LRP2: variants seen among roughly 807,000 people sequenced by gnomAD.
LRP2 encodes low-density lipoprotein receptor-related protein 2.
In LRP2, 172 loss-of-function variants were observed where a neutral mutation model predicts 531.0. The observed-to-expected ratio is 0.32, with a 90% CI of 0.29 to 0.37. LRP2 has a LOEUF of 0.37. Among genes scored for constraint, LRP2 ranks in the 10% least tolerant of loss-of-function variants. The pLI is 1.00. For synonymous variants in LRP2, 1,992 were observed against 2,027.6 expected, an observed-to-expected ratio of 0.98 and a Z score of 0.47; for missense variants, 5,167 against 5,868.3, an observed-to-expected ratio of 0.88 and a Z score of 3.90.
chr2:169,295,736 T>C (rs1684120260), intron 4 of LRP2, among the ~76,000 whole-genome samples: 1 of 152,220 alleles, frequency 6.6e-6, no homozygotes, highest in Non-Finnish European at 1.5e-5. Context: ...AAATGTTCAA[T>C]GTTGCTATTA....
chr2:169,131,968 T>C (rs1310777926), intron 77 of LRP2, among the ~76,000 whole-genome samples: 1 of 152,242 alleles, frequency 6.6e-6, no homozygotes, highest in African/African-American at 2.4e-5. Flanking sequence ...GCAAAGGACC[T>C]GCAGGCATGT....
intron 13 of LRP2, among the ~76,000 whole-genome samples, chr2:169,276,219 CAGTT>C (rs768362150): frequency 6.6e-6 from 1 of 152,134 alleles, no homozygotes; most frequent in African/African-American, 2.4e-5. Context: ...GTTTCTCTCT[CAGTT>C]AGCAAATTCC....
intron 43 of LRP2, among the ~76,000 whole-genome samples, chr2:169,202,213 G>A (rs554931584): frequency 2.8e-4 from 43 of 152,248 alleles, no homozygotes; most frequent in African/African-American, 8.9e-4. Flanking sequence ...ATCACAGTCT[G>A]CTAGGAAAAG....
rs192871737 is a variant in LRP2, at chr2:169,286,085, G to A, written c.1042+2941C>T. Among the ~76,000 whole-genome samples, 259 of 152,234 alleles carry A rather than the reference G, an allele frequency of 1.7e-3. 3 individuals carry two copies. The highest frequency in any genetic ancestry group is 3.4e-3 in the Middle Eastern group (1 of 294). On this transcript the variant is annotated intron_variant, in intron 9 of 78. Transcript: ENST00000649046. Reference sequence around the variant, plus strand: ...AAACAAGTGTAACTGGTTTCCTAACGTCATGTATTTAAAGAGTTCTCTATA... The same window carrying A: ...AAACAAGTGTAACTGGTTTCCTAACATCATGTATTTAAAGAGTTCTCTATA...
At chr2:169,352,303 T>A (rs1249340746) in intron 1 of LRP2, among the ~76,000 whole-genome samples, 1 of 152,188 alleles carries the variant, frequency 6.6e-6, no homozygotes, top group East Asian at 1.9e-4. Context: ...CCTGCCATGC[T>A]GGCCAAAAAA....
chr2:169,240,632 G>T, intron 25 of LRP2: 4 of 434,668 alleles, frequency 9.2e-6, no homozygotes, highest in African/African-American at 3.9e-5. Context: ...TCATTTTTTT[G>T]TGATAAGTTC....
At chr2:169,324,755 G>A (rs1311017693) in intron 1 of LRP2, among the ~76,000 whole-genome samples, 1 of 152,224 alleles carries the variant, frequency 6.6e-6, no homozygotes, top group South Asian at 2.1e-4. Context: ...CCAGAGAAGA[G>A]GAGTCATTTG....
At chr2:169,158,892 T>C (rs1686464272) in intron 63 of LRP2, among the ~76,000 whole-genome samples, 1 of 151,346 alleles carries the variant, frequency 6.6e-6, no homozygotes, top group South Asian at 2.1e-4. Flanking sequence ...AGAGCCCATA[T>C]AAATGATCCC....
chr2:169,351,849 A>G (rs1275549948), intron 1 of LRP2, among the ~76,000 whole-genome samples: 2 of 152,210 alleles, frequency 1.3e-5, no homozygotes, highest in African/African-American at 2.4e-5. Flanking sequence ...CAACAGAGCC[A>G]GATAAAGGGG....
At chr2:169,143,044 T>C (rs1685780875) in intron 70 of LRP2, among the ~76,000 whole-genome samples, 1 of 152,294 alleles carries the variant, frequency 6.6e-6, no homozygotes, top group Middle Eastern at 3.4e-3. Context: ...GCATCACTTA[T>C]CTTCTCTGCT....
Position 169,277,927 on chromosome 2 carries a change from C to G in LRP2, c.1590G>C (p.Glu530Asp), listed in dbSNP as rs1386751354. Reference sequence around the variant, plus strand: ...CCAGCTTAGGTTCCCCAGAAAGGCTCTCCCAATCTGAGAAAAATAAATAAC... The same window carrying G: ...CCAGCTTAGGTTCCCCAGAAAGGCTGTCCCAATCTGAGAAAAATAAATAAC... ...TVGYLFFSDWESLSGEPKLER... is the reference protein window; with the variant it reads ...TVGYLFFSDWDSLSGEPKLER... Residue 530 changes from glutamate (E) to aspartate (D), a missense_variant, in exon 13 of 79, where the codon GAG (glutamate) becomes GAC (aspartate). Glu to Asp is a conservative substitution (Grantham distance 45). Coordinates refer to ENST00000649046, the MANE Select transcript of LRP2 (RefSeq NM_004525.3). The G allele has an allele frequency of 6.2e-7, 1 of 1,613,706 alleles. No homozygotes were observed. Among genetic ancestry groups the G allele is most frequent in the South Asian group, 1.1e-5 (1 of 91,064 alleles).
chr2:169,154,441 T>C lies in LRP2; in HGVS notation c.12295+19A>G, dbSNP rs1320852253. The C allele has an allele frequency of 1.2e-6, 2 of 1,607,474 alleles. No individual in the cohort carries two copies. Among genetic ancestry groups the C allele is most frequent in the Non-Finnish European group, 1.7e-6 (2 of 1,174,148 alleles). On this transcript the variant is annotated intron_variant, in intron 66 of 78. Coordinates refer to ENST00000649046, the MANE Select transcript of LRP2 (RefSeq NM_004525.3). ...AAAGTCACTTAATATCAATGAAAGA[T>C]GCCAAAGTTTATACTCACTGAGGCC...
chr2:169,175,154 T>C (rs778608395), intron 55 of LRP2, 39 bp downstream of exon 55: 1 of 1,592,772 alleles, frequency 6.3e-7, no homozygotes, highest in East Asian at 2.2e-5. Flanking sequence ...ACAATCAACA[T>C]AGAAGTCGGA....
At chr2:169,340,891 TTTC>T (rs1349261096) in intron 1 of LRP2, among the ~76,000 whole-genome samples, 1 of 152,162 alleles carries the variant, frequency 6.6e-6, no homozygotes, top group Non-Finnish European at 1.5e-5. Flanking sequence ...TAAACAAAAA[TTTC>T]TTGAGTGCAT....
At chr2:169,211,922 T>A (rs1376459865) in intron 37 of LRP2, 46 bp downstream of exon 37, 1 of 1,612,726 alleles carries the variant, frequency 6.2e-7, no homozygotes, top group Non-Finnish European at 8.5e-7. Flanking sequence ...GATTTCAACC[T>A]GGTGCCAGAT....
rs1473245139 is a variant in LRP2, at chr2:169,206,028, G to C, written c.7551C>G (p.Cys2517Trp). ...CAAGGAAGATGATGGCATACCCTTG[G>C]CAGGGATCTAACACAATTGCTCTTG... ...PKPRAIVLDP[C>W]QGYLYWADWD... The change falls in exon 40 of 79, where the codon TGC (cysteine) becomes TGG (tryptophan). Residue 2517 changes from cysteine (C) to tryptophan (W), a missense_variant. Around this residue, in one of 6 missense-constraint regions of LRP2, gnomAD observed 1,129 missense variants for 1,362.7 expected, o/e 0.83. Transcript: ENST00000649046. The C allele has an allele frequency of 4.3e-6, 7 of 1,614,178 alleles. No individual in the cohort carries two copies. The highest frequency in any genetic ancestry group is 1.3e-5 in the African/African-American group (1 of 75,052).
At position 169,211,968 on chromosome 2, in the gene LRP2, C is replaced by A. The variant is rs1688609532; in HGVS notation, c.6280G>T (p.Gly2094Ter). 1 of 1,613,836 alleles carries A rather than the reference C, an allele frequency of 6.2e-7. No individual in the cohort carries two copies. Among genetic ancestry groups the A allele is most frequent in the Non-Finnish European group, 8.5e-7 (1 of 1,179,818 alleles). The change falls in exon 37 of 79, where the codon GGA (glycine) becomes TGA (stop). Residue 2094 changes from glycine (G) to a stop codon, truncating the protein, a stop_gained and splice_region_variant. Coordinates refer to ENST00000649046, the MANE Select transcript of LRP2 (RefSeq NM_004525.3). LOFTEE classifies it high-confidence loss of function. ...CTTACTTATATTGGAGTTGGCATAC[C>A]TTGGCCTGCCACCGGCACCATGGTT... ...SETMVPVAGQ[G>*]RNALHVDVDV...
rs1194491338 is a variant in LRP2 at position 169,362,432 on chromosome 2, C to T, written c.-33G>A. On this transcript the variant is annotated 5_prime_UTR_variant, in exon 1 of 79. Transcript: ENST00000649046. ...ACGGTCCCCGGCCTCGCCGTTCCTT[C>T]CCCGGGAGGTGGGCGCGCGTAGCAC... The T allele has an allele frequency of 7.8e-6, 12 of 1,538,334 alleles. No individual in the cohort carries two copies. The highest frequency in any genetic ancestry group is 7.1e-5 in the South Asian group (6 of 83,998).
Position 169,138,693 on chromosome 2 carries a change from C to T in LRP2, c.13402G>A (p.Val4468Ile), listed in dbSNP as rs201984825. Residue 4468 changes from valine (V) to isoleucine (I), a missense_variant, in exon 75 of 79, where the codon GTC becomes ATC. Transcript: ENST00000649046. ...CCATTCCCATTTTCAGAGGGCTTGACGAGACTGCTTAAGCTGGAAAGAAGT... is the reference window on the plus strand; with the variant it reads ...CCATTCCCATTTTCAGAGGGCTTGATGAGACTGCTTAAGCTGGAAAGAAGT... ...LPKLPSLSSL[V>I]KPSENGNGVT... 131 of 1,613,766 alleles carry T rather than the reference C, an allele frequency of 8.1e-5. No homozygotes were observed. The highest frequency in any genetic ancestry group is 7.7e-4 in the African/African-American group (58 of 74,890).
Sources: allele counts gnomAD v4.1 joint callset (sites outside exome capture counted in the v4.1 genomes callset), GRCh38; gene constraint gnomAD v4.1.1; regional missense constraint gnomAD v4.1.1; transcripts MANE v1.5; gene names NCBI Gene and HGNC (gene_info 2026-07-23, HGNC 2026-07-21).